The following AFAP1L2 variants were observed in gnomAD, a reference collection of about 807,000 sequenced individuals.
The protein encoded by AFAP1L2 is actin filament-associated protein 1-like 2.
In AFAP1L2, 46 loss-of-function variants were observed where a neutral mutation model predicts 99.3. The observed-to-expected ratio is 0.46, with a 90% confidence interval of 0.37 to 0.59. AFAP1L2 has a LOEUF of 0.59. Ranked by LOEUF, AFAP1L2 falls within the 20% of genes least tolerant of loss-of-function variation. AFAP1L2 has a pLI of 0.00. For missense variants in AFAP1L2, 959 were observed against 1,034.9 expected (o/e 0.93, Z 1.01); for synonymous variants, 397 against 419.1 (o/e 0.95, Z 0.64).
chr10:114,313,540 A>ATG (rs2043600725), intron 7 of AFAP1L2, among the ~76,000 whole-genome samples: 1 of 152,204 alleles, frequency 6.6e-6, no homozygotes, highest in Admixed American at 6.5e-5. Context: ...TGGGTTAAAG[A>ATG]TGCTAATAGT....
upstream of AFAP1L2, among the ~76,000 whole-genome samples, chr10:114,404,964 C>G (rs1456662920): frequency 6.6e-6 from 1 of 152,166 alleles, no homozygotes; most frequent in African/African-American, 2.4e-5. Flanking sequence ...GCGCTTGGCT[C>G]CCGAGCCAGC....
chr10:114,350,281 C>G (rs1178697726), intron 1 of AFAP1L2, among the ~76,000 whole-genome samples: 1 of 152,224 alleles, frequency 6.6e-6, no homozygotes, highest in Non-Finnish European at 1.5e-5. Flanking sequence ...ACCTGTCCAT[C>G]CGGCCCAATA....
the AFAP1L2 span, chr10:114,284,863 G>T: frequency 2.5e-6 from 4 of 1,606,894 alleles, no homozygotes; most frequent in Non-Finnish European, 3.4e-6. Context: ...TCTCTGATAG[G>T]CCCCTGTGAC....
intron 1 of AFAP1L2, among the ~76,000 whole-genome samples, chr10:114,391,991 G>A (rs367869952): frequency 7.2e-5 from 11 of 152,274 alleles, no homozygotes; most frequent in African/African-American, 9.6e-5. Flanking sequence ...CCTAGATGCC[G>A]CCTGCACTCA....
intron 4 of AFAP1L2, among the ~76,000 whole-genome samples, chr10:114,324,486 A>C (rs1273490109): frequency 6.7e-6 from 1 of 150,058 alleles, no homozygotes; most frequent in African/African-American, 2.5e-5. Flanking sequence ...TCCTGACCTC[A>C]ACTGACTGCC....
chr10:114,319,537 T>C, intron 5 of AFAP1L2: 7 of 1,287,042 alleles, frequency 5.4e-6, no homozygotes, highest in Non-Finnish European at 7.1e-6. Context: ...ATCACTGGCA[T>C]TCCAGCTCGG....
chr10:114,327,147 T>TTATATTTATATTTATATATATATATA (rs1554902751), intron 4 of AFAP1L2, among the ~76,000 whole-genome samples: 2 of 54,538 alleles, frequency 3.7e-5, no homozygotes, highest in Non-Finnish European at 9.7e-5. Context: ...TTATATATAT[T>TTATATTTATATTTATATATATATATA]TATATATATA....
At position 114,304,757 on chromosome 10, in the gene AFAP1L2, G is replaced by A. The variant is rs1199190631; in HGVS notation, c.1246C>T (p.Arg416Cys). The A allele has an allele frequency of 2.5e-6, 4 of 1,612,244 alleles. No homozygotes were observed. Among genetic ancestry groups the A allele is most frequent in the South Asian group, 1.1e-5 (1 of 91,062 alleles). The change falls in exon 11 of 19, where the codon CGC (arginine) becomes TGC (cysteine). Residue 416 changes from arginine to cysteine, a missense_variant. This residue lies in a region of AFAP1L2 where 576 missense variants were observed against 562.1 expected (regional missense o/e 1.02). Coordinates refer to ENST00000304129, the MANE Select transcript of AFAP1L2 (RefSeq NM_001001936.3). ...AGCTCCTCGCCCTTGTGGAGGATGC[G>A]GAAGGAGTAGAGGTGGTCGGGGCTG... is the stretch of plus-strand genomic sequence containing the variant. ...DPSPDHLYSF[R>C]ILHKGEELAK... is the part of the protein sequence containing the mutation.
intron 1 of AFAP1L2, among the ~76,000 whole-genome samples, chr10:114,359,879 A>T (rs1262791020): frequency 6.6e-6 from 1 of 152,052 alleles, no homozygotes; most frequent in East Asian, 1.9e-4. Flanking sequence ...TGGCCCCTCC[A>T]ATCCTGTTTT....
In AFAP1L2 at chr10:114,295,504, AGAT is replaced by A. The variant is rs2040067384; in HGVS notation, c.*535_*537del. The stretch of plus-strand genomic sequence containing the variant: ...ATGGTTTTACAGATGATGGTTTTAC[AGAT>A]GATGTCAATGCTGTTTAAAATCACT... On this transcript the variant is annotated 3_prime_UTR_variant, in exon 19 of 19. Transcript: ENST00000304129. 1 of 980,136 alleles carries A rather than the reference AGAT, an allele frequency of 1.0e-6. No homozygotes were observed. Among genetic ancestry groups the A allele is most frequent in the South Asian group, 4.7e-5 (1 of 21,178 alleles). 60.7% of individuals were successfully genotyped at this position (980,136 alleles called of 1,614,324 possible).
At chr10:114,307,691 A>AGAG (rs901427790) in intron 10 of AFAP1L2, 114 bp downstream of exon 10, 6 of 809,808 alleles carry the variant, frequency 7.4e-6, no homozygotes, top group African/African-American at 6.8e-5. Flanking sequence ...CTCCATTCCT[A>AGAG]GAGATGTTTA....
At chr10:114,372,082 C>A (rs10437496) in intron 1 of AFAP1L2, among the ~76,000 whole-genome samples, 1 of 152,104 alleles carries the variant, frequency 6.6e-6, no homozygotes, top group Non-Finnish European at 1.5e-5. Context: ...TTAACTTGGA[C>A]GAAACAGCAA....
chr10:114,291,099 G>A, downstream of AFAP1L2: 1 of 1,200,948 alleles, frequency 8.3e-7, no homozygotes, highest in Non-Finnish European at 1.2e-6. Context: ...GGCATCTTCT[G>A]CTGGGGGCGA....
intron 16 of AFAP1L2, among the ~76,000 whole-genome samples, chr10:114,298,888 C>T (rs2040671910): frequency 6.6e-6 from 1 of 152,166 alleles, no homozygotes; most frequent in South Asian, 2.1e-4. Context: ...CATGAGACTC[C>T]AGTCAGCCAA....
chr10:114,400,673 G>T (rs2138441280), intron 1 of AFAP1L2, among the ~76,000 whole-genome samples: 1 of 152,236 alleles, frequency 6.6e-6, no homozygotes, highest in South Asian at 2.1e-4. Flanking sequence ...TAAAATTACT[G>T]ATCTTTTTTG....
intron 1 of AFAP1L2, among the ~76,000 whole-genome samples, chr10:114,342,004 A>T (rs557265057): frequency 6.6e-6 from 1 of 152,206 alleles, no homozygotes; most frequent in Non-Finnish European, 1.5e-5. Flanking sequence ...AACTTGGAAG[A>T]CGGCTACGTG....
chr10:114,341,868 G>C (rs747617546), intron 1 of AFAP1L2, among the ~76,000 whole-genome samples: 1 of 152,086 alleles, frequency 6.6e-6, no homozygotes, highest in African/African-American at 2.4e-5. Flanking sequence ...CTCAATTCTT[G>C]CCTCCTCAGA....
chr10:114,404,336 C>T (rs940252016), intron 1 of AFAP1L2, 104 bp downstream of exon 1: 46 of 1,305,990 alleles, frequency 3.5e-5, no homozygotes, highest in Non-Finnish European at 4.7e-5. Flanking sequence ...GGGCAGTGGG[C>T]TCTGCTTATC....
At position 114,304,525 on chromosome 10, in the gene AFAP1L2, T is replaced by C. The variant is rs117289551; in HGVS notation, c.1284+194A>G. Among the ~76,000 whole-genome samples the C allele has an allele frequency of 0.013, 1,974 of 152,318 alleles. 20 individuals are homozygous for C. Among genetic ancestry groups the C allele is most frequent in the Middle Eastern group, 0.044 (13 of 294 alleles). On this transcript the variant is annotated intron_variant, in intron 11 of 18. Transcript: ENST00000304129. The stretch of plus-strand genomic sequence containing the variant: ...GAAGTAGCGCATGGTTCCACTCTTA[T>C]AACGCAACTACTCTGAGGTCAGAAA...
Sources: gnomAD v4.1 joint callset for allele counts (sites outside exome capture counted in the v4.1 genomes callset) on GRCh38, gnomAD v4.1.1 for gene constraint, gnomAD v4.1.1 regional missense constraint, MANE v1.5 for transcripts, NCBI Gene and HGNC (gene_info 2026-07-23, HGNC 2026-07-21) for gene names.